LYPD1: variants seen among roughly 807,000 people sequenced by gnomAD.
LYPD1 encodes ly6/PLAUR domain-containing protein 1.
LYPD1 carries 14 observed loss-of-function variants against 14.2 expected under a neutral mutation model. The ratio of observed to expected loss-of-function variants is 0.99; its 90% confidence interval spans 0.65 to 1.54. LYPD1 has a LOEUF of 1.54. Ranked by LOEUF, LYPD1 falls within the 40% of genes most tolerant of loss-of-function variation. The pLI is 0.00. For missense variants in LYPD1, 165 were observed against 175.7 expected (o/e 0.94, Z 0.34); for synonymous variants, 85 against 70.6 (o/e 1.20, Z -1.02).
intron 2 of LYPD1, among the ~76,000 whole-genome samples, chr2:132,650,704 C>A (rs1682327553): frequency 7.0e-6 from 1 of 142,952 alleles, no homozygotes; most frequent in South Asian, 2.3e-4. Flanking sequence ...CTCCCTTCCT[C>A]CTCCTTCCTT....
intron 2 of LYPD1, among the ~76,000 whole-genome samples, chr2:132,664,145 G>T (rs1683130122): frequency 1.3e-5 from 2 of 152,164 alleles, no homozygotes; most frequent in South Asian, 4.2e-4. Context: ...AGGAATACAG[G>T]AATAAAGGGA....
intron 2 of LYPD1, among the ~76,000 whole-genome samples, chr2:132,652,522 C>T (rs1682396706): frequency 6.6e-6 from 1 of 152,160 alleles, no homozygotes; most frequent in Non-Finnish European, 1.5e-5. Context: ...GATGCAGACC[C>T]AGAGCTAGAA....
Position 132,646,277 on chromosome 2 carries a change from A to T in LYPD1, c.194T>A (p.Ile65Asn). ...QKEVMEQSAG[I>N]MYRKSCASSA... ...TGATGCACAGGACTTGCGGTACATG[A>T]TCCCTGTAACACAGACCCAAAGGAG... The change falls in exon 3 of 3, where the codon ATC becomes AAC. Residue 65 changes from isoleucine (I) to asparagine (N), a missense_variant. Ile to Asn is a moderately radical substitution (Grantham distance 149). Coordinates refer to ENST00000397463, the MANE Select transcript of LYPD1 (RefSeq NM_144586.7). The T allele has an allele frequency of 6.5e-7, 1 of 1,540,286 alleles. No individual in the cohort carries two copies. The highest frequency in any genetic ancestry group is 8.8e-7 in the Non-Finnish European group (1 of 1,139,560).
chr2:132,670,218 T>A, upstream of LYPD1: 1 of 923,546 alleles, frequency 1.1e-6, no homozygotes, highest in Admixed American at 4.6e-5. This position sits in a 1 kb window ranked among gnomAD's most constrained non-coding sequence, Gnocchi z 4.5. Context: ...CTACTGGCGA[T>A]CGGGAGCACC....
chr2:132,647,494 G>GGCTA (rs1553462755), intron 2 of LYPD1, among the ~76,000 whole-genome samples: 7 of 152,100 alleles, frequency 4.6e-5, no homozygotes, highest in African/African-American at 4.8e-5. Flanking sequence ...CACCACACCC[G>GGCTA]ACTAACTTTT....
At chr2:132,659,632 A>G (rs887615604) in intron 2 of LYPD1, among the ~76,000 whole-genome samples, 7 of 152,218 alleles carry the variant, frequency 4.6e-5, no homozygotes, top group South Asian at 2.1e-4. Flanking sequence ...AGTCAGTGAC[A>G]GGCTGGGTGG....
chr2:132,661,101 A>G (rs1212806615), intron 2 of LYPD1, among the ~76,000 whole-genome samples: 1 of 152,184 alleles, frequency 6.6e-6, no homozygotes, highest in Non-Finnish European at 1.5e-5. Context: ...TTCTAGCCTT[A>G]GAGGTGTGGG....
intron 2 of LYPD1, among the ~76,000 whole-genome samples, chr2:132,661,174 A>C (rs1273655001): frequency 6.6e-6 from 1 of 152,312 alleles, no homozygotes; most frequent in Admixed American, 6.5e-5. Flanking sequence ...GGGACCACCA[A>C]CAGGGGCCTC....
intron 2 of LYPD1, among the ~76,000 whole-genome samples, chr2:132,665,168 T>C (rs904477728): frequency 2.0e-5 from 3 of 152,216 alleles, no homozygotes; most frequent in Non-Finnish European, 2.9e-5. Context: ...TCAAACATAC[T>C]TCCCAATGGA....
intron 2 of LYPD1, chr2:132,666,671 G>A (rs1310353815): frequency 6.6e-6 from 1 of 152,170 alleles, no homozygotes; most frequent in Non-Finnish European, 1.5e-5. Flanking sequence ...TTCTTTTACA[G>A]AGTGGTTTTG....
At chr2:132,668,681 G>A in intron 1 of LYPD1, 144 bp from the exon 2 acceptor site, 7 of 1,216,820 alleles carry the variant, frequency 5.8e-6, no homozygotes, top group Non-Finnish European at 7.7e-6. Flanking sequence ...AGGGCTGGAT[G>A]TGGCTGACAC....
Position 132,670,000 on chromosome 2 carries a change from C to T in LYPD1, c.-68G>A. The T allele has an allele frequency of 6.3e-7, 1 of 1,587,454 alleles. No homozygotes were observed. Among genetic ancestry groups the T allele is most frequent in the Non-Finnish European group, 8.5e-7 (1 of 1,172,424 alleles). On this transcript the variant is annotated 5_prime_UTR_variant, in exon 1 of 3. Transcript: ENST00000397463. This position sits in a 1 kb window ranked among gnomAD's most constrained non-coding sequence, Gnocchi z 4.3. ...GGAGGCGACAGCAGCGGAGGCTGCC[C>T]CGGCTGCAGCGGCTGTGGCTGCCGA...
rs1682012277 is a variant in LYPD1 at position 132,645,473 on chromosome 2, T to G, written c.*572A>C. On this transcript the variant is annotated 3_prime_UTR_variant, in exon 3 of 3. Coordinates refer to ENST00000397463, the MANE Select transcript of LYPD1 (RefSeq NM_144586.7). ...GCAAGGAGAACTGAGAAGATTTTCT[T>G]AAGCACTTTTCAGAGCGAGGCCGAG... 4 of 1,614,020 alleles carry G rather than the reference T, an allele frequency of 2.5e-6. No individual in the cohort carries two copies. The highest frequency in any genetic ancestry group is 2.5e-6 in the Non-Finnish European group (3 of 1,180,026).
intron 2 of LYPD1, among the ~76,000 whole-genome samples, chr2:132,650,231 TAAG>T (rs756785840): frequency 6.6e-5 from 10 of 152,264 alleles, no homozygotes; most frequent in Non-Finnish European, 1.2e-4. Context: ...TCTCATATCA[TAAG>T]AAGAATGCAA....
Position 132,644,421 on chromosome 2 carries a change from T to TC in LYPD1, c.*1623dup, listed in dbSNP as rs927158019. On this transcript the variant is annotated 3_prime_UTR_variant, in exon 3 of 3. Transcript: ENST00000397463. ...TTTGCCATCTCTGAATAATTCTTTT[T>TC]CCCCACATGAGGGATCTAAAAGTGT... 2.6e-5 allele frequency among the ~76,000 whole-genome samples: 4 copies of TC among 152,192 alleles called. No individual in the cohort carries two copies. The highest frequency in any genetic ancestry group is 7.2e-5 in the African/African-American group (3 of 41,442).
rs957826375 is a variant in LYPD1 at position 132,645,588 on chromosome 2, TCAG to T, written c.*454_*456del. ...CCAATTCTGCTGCAGAGAATGGTTT[TCAG>T]GAGCATGAAGTTTGAATGTCAAGCG... On this transcript the variant is annotated 3_prime_UTR_variant, in exon 3 of 3. Coordinates refer to ENST00000397463, the MANE Select transcript of LYPD1 (RefSeq NM_144586.7). 6.2e-6 allele frequency: 10 copies of T among 1,612,232 alleles called. No individual in the cohort carries two copies. In the African/African-American group the frequency reaches 1.2e-4, roughly 19 times the overall value.
Position 132,645,419 on chromosome 2 carries a change from T to C in LYPD1, c.*626A>G. ...AGCGCCCGCTTTGTGCAGCGCCCGT[T>C]GCTCTTCGCGTCCCGGCGCCAGTCC... On this transcript the variant is annotated 3_prime_UTR_variant, in exon 3 of 3. Coordinates refer to ENST00000397463, the MANE Select transcript of LYPD1 (RefSeq NM_144586.7). 1 of 1,613,626 alleles carries C rather than the reference T, an allele frequency of 6.2e-7. No individual in the cohort carries two copies. Among genetic ancestry groups the C allele is most frequent in the Middle Eastern group, 1.6e-4 (1 of 6,062 alleles).
upstream of LYPD1, among the ~76,000 whole-genome samples, chr2:132,670,375 G>A (rs1573771807): frequency 6.6e-6 from 1 of 152,126 alleles, no homozygotes; most frequent in Non-Finnish European, 1.5e-5. The surrounding 1 kb of genome is among the most constrained non-coding windows in gnomAD (Gnocchi z 4.5). Flanking sequence ...TCCCGCCTCC[G>A]CACGTTCCTG....
upstream of LYPD1, chr2:132,670,239 T>G: frequency 1.5e-6 from 1 of 650,480 alleles, no homozygotes; most frequent in Non-Finnish European, 2.1e-6. The surrounding 1 kb of genome is among the most constrained non-coding windows in gnomAD (Gnocchi z 4.5). Context: ...CACAAAAGTC[T>G]CGCCTTTTCT....
Sources: gnomAD v4.1 joint callset for allele counts (sites outside exome capture counted in the v4.1 genomes callset) on GRCh38, gnomAD v4.1.1 for gene constraint, Gnocchi (gnomAD v3.1) non-coding constraint, MANE v1.5 for transcripts, NCBI Gene and HGNC (gene_info 2026-07-23, HGNC 2026-07-21) for gene names.